The following QTMAN variants were observed in gnomAD, a reference collection of about 807,000 sequenced individuals.
The protein encoded by QTMAN is queuosine-tRNA mannosyltransferase.
chr2:144,261,398 A>T, the QTMAN span, among the ~76,000 whole-genome samples: 1 of 152,062 alleles, frequency 6.6e-6, no homozygotes, highest in African/African-American at 2.4e-5. Flanking sequence ...TTTTTTTTCA[A>T]AAATATGTAT....
chr2:144,068,573 G>A, the QTMAN span, among the ~76,000 whole-genome samples: 9 of 152,236 alleles, frequency 5.9e-5, no homozygotes, highest in South Asian at 2.1e-4. Flanking sequence ...ATGCAAATGT[G>A]GTAAATCAAG....
the QTMAN span, among the ~76,000 whole-genome samples, chr2:144,313,749 A>G: frequency 6.6e-6 from 1 of 151,770 alleles, no homozygotes; most frequent in East Asian, 1.9e-4. Context: ...AATTTCATAT[A>G]TACTTAATCA....
At chr2:144,289,611 A>G in the QTMAN span, among the ~76,000 whole-genome samples, 544 of 152,314 alleles carry the variant, frequency 3.6e-3, 3 homozygotes, top group African/African-American at 9.5e-3. Context: ...GTTTAACCCA[A>G]AAGTCAGCAG....
chr2:143,992,409 G>A, the QTMAN span, among the ~76,000 whole-genome samples: 49 of 146,348 alleles, frequency 3.3e-4, no homozygotes, highest in African/African-American at 1.2e-3. Flanking sequence ...GAAGGCCTCA[G>A]GGTCCTCTGC....
At chr2:144,201,189 A>G in the QTMAN span, among the ~76,000 whole-genome samples, 3 of 152,182 alleles carry the variant, frequency 2.0e-5, no homozygotes, top group African/African-American at 7.2e-5. Flanking sequence ...CTCATTTTAG[A>G]TCGGGTGCTC....
the QTMAN span, among the ~76,000 whole-genome samples, chr2:144,272,725 ATG>A: frequency 6.6e-6 from 1 of 151,856 alleles, no homozygotes; most frequent in Admixed American, 6.6e-5. Context: ...GTGTGTGTGT[ATG>A]TGTGTGTGTG....
chr2:144,031,616 GA>G, the QTMAN span, among the ~76,000 whole-genome samples: 4 of 152,068 alleles, frequency 2.6e-5, no homozygotes. Flanking sequence ...AGAATTTTAG[GA>G]AAAAATTAAA....
the QTMAN span, among the ~76,000 whole-genome samples, chr2:144,002,564 A>G: frequency 6.6e-6 from 1 of 151,998 alleles, no homozygotes; most frequent in African/African-American, 2.4e-5. Flanking sequence ...TCATTATTCA[A>G]AAATGTCTAT....
At chr2:143,980,248 T>A in the QTMAN span, among the ~76,000 whole-genome samples, 1 of 152,118 alleles carries the variant, frequency 6.6e-6, no homozygotes, top group Non-Finnish European at 1.5e-5. Flanking sequence ...TGTGTTCTCA[T>A]TGTTCAGCTC....
At chr2:144,301,528 G>C in the QTMAN span, among the ~76,000 whole-genome samples, 1 of 152,102 alleles carries the variant, frequency 6.6e-6, no homozygotes, top group Non-Finnish European at 1.5e-5. Context: ...AGGCCTTGTA[G>C]CTTCAAGAAA....
the QTMAN span, among the ~76,000 whole-genome samples, chr2:144,268,357 G>A: frequency 2.0e-5 from 3 of 152,216 alleles, no homozygotes; most frequent in Admixed American, 2.0e-4. Flanking sequence ...AATTACCCAG[G>A]CTCAGGTATT....
chr2:144,253,117 G>C, the QTMAN span, among the ~76,000 whole-genome samples: 1 of 152,066 alleles, frequency 6.6e-6, no homozygotes, highest in Non-Finnish European at 1.5e-5. Context: ...AAGATCTAAT[G>C]GTTTTATAAG....
chr2:143,956,655 A>G, the QTMAN span, among the ~76,000 whole-genome samples: 2 of 152,126 alleles, frequency 1.3e-5, no homozygotes, highest in Non-Finnish European at 2.9e-5. Context: ...AGTCCATTAG[A>G]CAGTGCTCAT....
chr2:143,960,568 T>C, the QTMAN span, among the ~76,000 whole-genome samples: 7 of 152,214 alleles, frequency 4.6e-5, no homozygotes, highest in Admixed American at 1.3e-4. Context: ...GGAGTGTTTT[T>C]AGTCAGCCTC....
the QTMAN span, among the ~76,000 whole-genome samples, chr2:144,220,248 T>C: frequency 6.6e-6 from 1 of 152,210 alleles, no homozygotes; most frequent in Non-Finnish European, 1.5e-5. Flanking sequence ...AGTCAGTCTG[T>C]TAATAATAGA....
At chr2:144,153,016 T>C in the QTMAN span, among the ~76,000 whole-genome samples, 15 of 152,146 alleles carry the variant, frequency 9.9e-5, no homozygotes, top group African/African-American at 3.6e-4. Context: ...TTATCAGGGG[T>C]GGCAGAAGAG....
the QTMAN span, chr2:144,011,851 A>C: frequency 4.9e-6 from 2 of 409,234 alleles, no homozygotes; most frequent in East Asian, 1.6e-4. Context: ...GTAAGAAGTG[A>C]AAGAGAGAAA....
the QTMAN span, among the ~76,000 whole-genome samples, chr2:144,047,174 G>C: frequency 6.6e-6 from 1 of 152,174 alleles, no homozygotes; most frequent in Non-Finnish European, 1.5e-5. Flanking sequence ...AGGAGGCTGA[G>C]GCAGGAGAAT....
chr2:144,176,366 T>C, the QTMAN span, among the ~76,000 whole-genome samples: 1 of 152,238 alleles, frequency 6.6e-6, no homozygotes, highest in South Asian at 2.1e-4. Flanking sequence ...CTTTTTTTAC[T>C]CTAATAAAAT....
Sources: gnomAD v4.1 joint callset for allele counts (sites outside exome capture counted in the v4.1 genomes callset) on GRCh38, gnomAD v4.1.1 for gene constraint, MANE v1.5 for transcripts, NCBI Gene and HGNC (gene_info 2026-07-23, HGNC 2026-07-21) for gene names.